The following ERC1 variants were observed in gnomAD, a reference collection of about 807,000 sequenced individuals.
The protein encoded by ERC1 is ELKS/RAB6-interacting/CAST family member 1.
A neutral mutation model predicts 132.0 loss-of-function variants in ERC1; 56 were observed. That is an observed-to-expected ratio of 0.42 (90% CI 0.34 to 0.53). ERC1 has a LOEUF of 0.53. ERC1 is among the 20% of genes least tolerant of loss of function. The pLI is 0.03. For synonymous variants in ERC1, 478 were observed against 476.1 expected, an observed-to-expected ratio of 1.00 and a Z score of -0.05; for missense variants, 1,202 against 1,349.9, an observed-to-expected ratio of 0.89 and a Z score of 1.72.
chr12:1,074,732 G>A (rs1941054844), intron 2 of ERC1, among the ~76,000 whole-genome samples: 1 of 152,190 alleles, frequency 6.6e-6, no homozygotes, highest in African/African-American at 2.4e-5. Context: ...TTTATGTACA[G>A]CATTCGCAGA....
intron 16 of ERC1, among the ~76,000 whole-genome samples, chr12:1,374,445 A>AGAGGCT (rs1291421440): frequency 6.6e-6 from 1 of 151,846 alleles, no homozygotes; most frequent in Non-Finnish European, 1.5e-5. Context: ...CAGCACTTGG[A>AGAGGCT]GAGGCTGCAT....
At chr12:1,490,052 G>T (rs781389838) in intron 18 of ERC1, 41 bp from the exon 19 acceptor site, 1 of 1,601,936 alleles carries the variant, frequency 6.2e-7, no homozygotes, top group Non-Finnish European at 8.5e-7. Context: ...AGTGCAAATG[G>T]GATTGTTGTA....
At chr12:1,488,729 C>G (rs1294277465) in intron 18 of ERC1, among the ~76,000 whole-genome samples, 1 of 152,176 alleles carries the variant, frequency 6.6e-6, no homozygotes, top group Non-Finnish European at 1.5e-5. Context: ...TTCCTAAAAC[C>G]TGCTGTCTCC....
At chr12:1,208,596 G>A (rs1228367216) in intron 12 of ERC1, among the ~76,000 whole-genome samples, 1 of 151,908 alleles carries the variant, frequency 6.6e-6, no homozygotes, top group Non-Finnish European at 1.5e-5. Context: ...GTATTATTTG[G>A]TTTGCACAGT....
chr12:1,281,885 C>T (rs1046816007), intron 14 of ERC1, among the ~76,000 whole-genome samples: 7 of 152,216 alleles, frequency 4.6e-5, no homozygotes, highest in South Asian at 2.1e-4. Flanking sequence ...ACATCAGTGA[C>T]GCAAGATACT....
At position 1,001,512 on chromosome 12, in the gene ERC1, A is replaced by G. The variant is rs148713113; in HGVS notation, c.-157+10190A>G. On this transcript the variant is annotated intron_variant, in intron 1 of 18. Transcript: ENST00000360905. The stretch of plus-strand genomic sequence containing the variant: ...CACAAGCTTTCCTTGAAGCTTCCCA[A>G]TCACAACCCAGTCCTTCTCTCATAA... Among the ~76,000 whole-genome samples, 829 of 152,322 alleles carry G rather than the reference A, an allele frequency of 5.4e-3. 3 individuals are homozygous for G. Among genetic ancestry groups the G allele is most frequent in the South Asian group, 0.012 (57 of 4,832 alleles).
intron 1 of ERC1, among the ~76,000 whole-genome samples, chr12:1,003,493 TA>T (rs1962874043): frequency 1.3e-5 from 2 of 152,368 alleles, no homozygotes; most frequent in East Asian, 3.9e-4. Flanking sequence ...CCAACTTACA[TA>T]ACCATATCAT....
intron 5 of ERC1, 122 bp from the exon 6 acceptor site, chr12:1,112,093 G>A (rs981845562): frequency 2.9e-5 from 19 of 664,308 alleles, no homozygotes; most frequent in Non-Finnish European, 4.5e-5. Context: ...GGAATGAGGG[G>A]AACAGATTTG....
At chr12:1,407,044 C>T (rs2154394180) in intron 16 of ERC1, among the ~76,000 whole-genome samples, 1 of 152,198 alleles carries the variant, frequency 6.6e-6, no homozygotes, top group Non-Finnish European at 1.5e-5. Flanking sequence ...TTCTAAGCTG[C>T]TTACTCTGCA....
chr12:1,431,710 G>A lies in ERC1; in HGVS notation c.3025-12852G>A, dbSNP rs2092802578. On this transcript the variant is annotated intron_variant, in intron 17 of 18. Coordinates refer to ENST00000360905, the MANE Select transcript of ERC1 (RefSeq NM_178040.4). ...TGTGTTAATATTATTCTTGATACAA[G>A]TACTTTTCATTGTGAATGGATTTTT... 3.9e-5 allele frequency among the ~76,000 whole-genome samples: 6 copies of A among 152,168 alleles called. No homozygotes were observed. In the South Asian group the frequency reaches 1.2e-3, roughly 32 times the overall value.
At chr12:1,472,958 A>G (rs569906600) in intron 18 of ERC1, among the ~76,000 whole-genome samples, 2 of 152,220 alleles carry the variant, frequency 1.3e-5, no homozygotes, top group Non-Finnish European at 2.9e-5. Flanking sequence ...ACTGTGAACT[A>G]TCAAATTGTT....
intron 1 of ERC1, among the ~76,000 whole-genome samples, chr12:1,001,881 G>A (rs1306342890): frequency 8.3e-6 from 1 of 119,892 alleles, no homozygotes; most frequent in East Asian, 2.6e-4. Flanking sequence ...TTTTTCCTGA[G>A]ACGGAGTCTC....
At chr12:1,068,296 A>G (rs551310198) in intron 2 of ERC1, among the ~76,000 whole-genome samples, 1 of 116,508 alleles carries the variant, frequency 8.6e-6, no homozygotes, top group South Asian at 2.7e-4. Flanking sequence ...TCTTTACCTG[A>G]GAATCCCTAC....
intron 2 of ERC1, among the ~76,000 whole-genome samples, chr12:1,057,698 C>T (rs1021813309): frequency 1.2e-4 from 17 of 142,744 alleles, no homozygotes; most frequent in African/African-American, 3.9e-4. Context: ...CGGGTTCAAG[C>T]GATTCCCCTG....
chr12:1,452,192 ATT>A (rs144569330), intron 18 of ERC1, among the ~76,000 whole-genome samples: 1 of 149,418 alleles, frequency 6.7e-6, no homozygotes, highest in African/African-American at 2.5e-5. Flanking sequence ...GTTGACAGGG[ATT>A]TTTTTTTTCC....
chr12:1,487,633 T>G (rs2154434208), intron 18 of ERC1, among the ~76,000 whole-genome samples: 1 of 150,782 alleles, frequency 6.6e-6, no homozygotes, highest in East Asian at 1.9e-4. Flanking sequence ...AGCAGGAAGA[T>G]CACATGAGGT....
At chr12:1,065,582 A>G (rs1939002787) in intron 2 of ERC1, among the ~76,000 whole-genome samples, 1 of 68,250 alleles carries the variant, frequency 1.5e-5, no homozygotes, top group Non-Finnish European at 2.8e-5. Flanking sequence ...CATTTCAGAG[A>G]TTTCTTTTTT....
At chr12:1,471,335 G>GA (rs148930381) in intron 18 of ERC1, among the ~76,000 whole-genome samples, 1,601 of 152,264 alleles carry the variant, frequency 0.011, 28 homozygotes, top group African/African-American at 0.037. Context: ...CTATCACGTA[G>GA]AAAAAACTGA....
chr12:1,292,154 C>G (rs1231208389), intron 15 of ERC1, among the ~76,000 whole-genome samples: 2 of 152,164 alleles, frequency 1.3e-5, no homozygotes, highest in African/African-American at 2.4e-5. Flanking sequence ...CAGGCCCACC[C>G]TACATTAGCA....
Sources: gnomAD v4.1 joint callset for allele counts (sites outside exome capture counted in the v4.1 genomes callset) on GRCh38, gnomAD v4.1.1 for gene constraint, MANE v1.5 for transcripts, NCBI Gene and HGNC (gene_info 2026-07-23, HGNC 2026-07-21) for gene names.